Variants in WNK1 observed in about 807,000 individuals in gnomAD.
WNK1 encodes serine/threonine-protein kinase WNK1.
In WNK1, 38 loss-of-function variants were observed where a neutral mutation model predicts 222.8. The observed-to-expected ratio is 0.17, with a 90% CI of 0.13 to 0.22. WNK1 has a LOEUF of 0.22. Ranked by LOEUF, WNK1 falls within the 10% of genes least tolerant of loss-of-function variation. The pLI is 1.00. For synonymous variants in WNK1, 1,090 were observed against 1,092.9 expected (o/e 1.00, Z 0.05); for missense variants, 2,348 against 2,918.4 (o/e 0.80, Z 4.50).
At chr12:830,946 T>C (rs1299761505) in intron 4 of WNK1, among the ~76,000 whole-genome samples, 4 of 152,232 alleles carry the variant, frequency 2.6e-5, no homozygotes, top group Admixed American at 2.6e-4. Context: ...AATCTAGAAC[T>C]ATTGCTTTTA....
Position 883,391 on chromosome 12 carries a change from A to G in WNK1, c.3490-4A>G, listed in dbSNP as rs143557702. 1.6e-4 allele frequency: 251 copies of G among 1,614,198 alleles called. 1 individual carries two copies. Among genetic ancestry groups the G allele is most frequent in the Non-Finnish European group, 1.9e-4 (228 of 1,180,010 alleles). ...ATTAGACTGACATCACATTTCTTTTACAGGTGAACAATGACTTTATTCTAG... is the reference window on the plus strand; with the variant it reads ...ATTAGACTGACATCACATTTCTTTTGCAGGTGAACAATGACTTTATTCTAG... On this transcript the variant is annotated splice_polypyrimidine_tract_variant and splice_region_variant and intron_variant, in intron 15 of 27. Coordinates refer to ENST00000315939, the MANE Select transcript of WNK1 (RefSeq NM_018979.4).
At chr12:805,757 CTT>C (rs1446513998) in intron 1 of WNK1, among the ~76,000 whole-genome samples, 1 of 152,056 alleles carries the variant, frequency 6.6e-6, no homozygotes, top group Non-Finnish European at 1.5e-5. Flanking sequence ...ATGTGTCAAA[CTT>C]ATAAATTGTC....
intron 2 of WNK1, among the ~76,000 whole-genome samples, chr12:824,565 TG>T (rs1028450682): frequency 3.4e-4 from 52 of 152,116 alleles, no homozygotes; most frequent in Admixed American, 1.2e-3. Context: ...TCCTGCTAGC[TG>T]GGATAATCTT....
At chr12:852,407 T>A (rs965539699) in intron 4 of WNK1, among the ~76,000 whole-genome samples, 8 of 152,184 alleles carry the variant, frequency 5.3e-5, no homozygotes, top group Middle Eastern at 3.2e-3. Flanking sequence ...AATACTTATA[T>A]TTAATGAAGA....
At chr12:845,310 C>A (rs912879104) in intron 4 of WNK1, among the ~76,000 whole-genome samples, 1 of 152,076 alleles carries the variant, frequency 6.6e-6, no homozygotes, top group South Asian at 2.1e-4. Context: ...AAGAAACATG[C>A]GTGGTTATCC....
chr12:835,033 A>T (rs1353184654), intron 4 of WNK1, among the ~76,000 whole-genome samples: 1 of 152,182 alleles, frequency 6.6e-6, no homozygotes, highest in Admixed American at 6.6e-5. Context: ...AATAACCAAT[A>T]ATAGGCTGGG....
At chr12:817,098 A>G (rs1434565166) in intron 2 of WNK1, among the ~76,000 whole-genome samples, 1 of 152,240 alleles carries the variant, frequency 6.6e-6, no homozygotes, top group African/African-American at 2.4e-5. Context: ...TGACAGGAAT[A>G]TTAACTACGA....
At chr12:892,273 C>T (rs921796389) in intron 22 of WNK1, among the ~76,000 whole-genome samples, 5 of 151,892 alleles carry the variant, frequency 3.3e-5, no homozygotes, top group African/African-American at 1.2e-4. Flanking sequence ...TTCACAAACT[C>T]TTTTTCTGTA....
intron 1 of WNK1, among the ~76,000 whole-genome samples, chr12:806,620 C>T (rs761326923): frequency 1.3e-5 from 2 of 151,976 alleles, no homozygotes; most frequent in South Asian, 2.1e-4. Context: ...TTTGATATGA[C>T]GTAGTTGTGG....
rs747271818 is a variant in WNK1 at position 861,157 on chromosome 12, C to T, written c.1765C>T (p.Leu589Phe). 8.1e-6 allele frequency: 13 copies of T among 1,614,002 alleles called. No individual in the cohort carries two copies. In the South Asian group the frequency reaches 1.1e-4, roughly 14 times the overall value. The change falls in exon 7 of 28, where the codon CTC (leucine) becomes TTC (phenylalanine). Residue 589 changes from leucine to phenylalanine, a missense_variant. Coordinates refer to ENST00000315939, the MANE Select transcript of WNK1 (RefSeq NM_018979.4). Reference sequence around the variant, plus strand: ...AAAAAAAAAGCAGGAAGAGAGCAGTCTCAAACAGCAGGTAGAACAATCCAG... The same window carrying T: ...AAAAAAAAAGCAGGAAGAGAGCAGTTTCAAACAGCAGGTAGAACAATCCAG... ...QEKKKQEESS[L>F]KQQVEQSSAS...
intron 1 of WNK1, among the ~76,000 whole-genome samples, chr12:757,202 G>A (rs1940185028): frequency 6.6e-6 from 1 of 151,428 alleles, no homozygotes; most frequent in Non-Finnish European, 1.5e-5. Flanking sequence ...ATATAAATAG[G>A]CTTTTGTGGA....
At chr12:866,151 A>C (rs1211917459) in intron 8 of WNK1, among the ~76,000 whole-genome samples, 1 of 152,210 alleles carries the variant, frequency 6.6e-6, no homozygotes, top group Non-Finnish European at 1.5e-5. Flanking sequence ...AGGAGAATGA[A>C]GAACTATACA....
chr12:882,329 G>A (rs1394541163), intron 14 of WNK1, among the ~76,000 whole-genome samples: 1 of 151,968 alleles, frequency 6.6e-6, no homozygotes, highest in Non-Finnish European at 1.5e-5. Flanking sequence ...CTCCCAAGTA[G>A]CTGGGACTAC....
intron 6 of WNK1, 139 bp from the exon 7 acceptor site, chr12:860,874 C>A: frequency 1.2e-6 from 1 of 832,234 alleles, no homozygotes; most frequent in Non-Finnish European, 1.9e-6. Context: ...TCGGTTAAGG[C>A]CAGTCCTGAG....
chr12:902,805 C>T (rs1565615596), intron 26 of WNK1, among the ~76,000 whole-genome samples: 1 of 152,186 alleles, frequency 6.6e-6, no homozygotes, highest in Non-Finnish European at 1.5e-5. Flanking sequence ...GAGTCAGTGC[C>T]TACCTGGCAC....
At chr12:782,661 C>T (rs1943836157) in intron 1 of WNK1, among the ~76,000 whole-genome samples, 1 of 152,016 alleles carries the variant, frequency 6.6e-6, no homozygotes, top group Non-Finnish European at 1.5e-5. Context: ...TGCACCACCA[C>T]GCCCAGCTAA....
chr12:879,653 C>T lies in WNK1; in HGVS notation c.2454C>T (p.Val818=), dbSNP rs771546472. Residue 818 remains valine, a synonymous_variant, in exon 11 of 28, where the codon GTC becomes GTT. Coordinates refer to ENST00000315939, the MANE Select transcript of WNK1 (RefSeq NM_018979.4). ...PVATQPSVVP[V]HSGAHFLPVG... is the part of the protein sequence containing the mutation. ...CGACACAACCCTCGGTTGTTCCAGT[C>T]CACTCTGGTGCTCATTTCCTTCCAG... 17 of 1,613,664 alleles carry T rather than the reference C, an allele frequency of 1.1e-5. No individual in the cohort carries two copies. The African/African-American group carries it at 2.0e-4, about 19-fold the overall frequency.
At chr12:851,597 T>G in intron 4 of WNK1, 1 of 1,224,334 alleles carries the variant, frequency 8.2e-7, no homozygotes, top group South Asian at 1.4e-5. Flanking sequence ...TCAGTCTGAC[T>G]TTGATGTCTG....
chr12:838,565 C>T (rs570734650), intron 4 of WNK1, among the ~76,000 whole-genome samples: 1 of 152,208 alleles, frequency 6.6e-6, no homozygotes, highest in Admixed American at 6.5e-5. Context: ...TGGACACACA[C>T]CACCATGCTG....
Sources: allele counts gnomAD v4.1 joint callset (sites outside exome capture counted in the v4.1 genomes callset), GRCh38; gene constraint gnomAD v4.1.1; transcripts MANE v1.5; gene names NCBI Gene and HGNC (gene_info 2026-07-23, HGNC 2026-07-21).